Variants in ANKS1A observed in about 807,000 individuals in gnomAD.
ANKS1A encodes the protein ankyrin repeat and SAM domain-containing protein 1A.
ANKS1A carries 55 observed loss-of-function variants against 120.3 expected under a neutral mutation model. That is an observed-to-expected ratio of 0.46 (90% CI 0.37 to 0.57). The LOEUF is 0.57. Among genes scored for constraint, ANKS1A ranks in the 20% least tolerant of loss-of-function variants. ANKS1A has a pLI of 0.00. For missense variants in ANKS1A, 1,123 were observed against 1,480.3 expected, an observed-to-expected ratio of 0.76 and a Z score of 3.96; for synonymous variants, 590 against 604.7, an observed-to-expected ratio of 0.98 and a Z score of 0.36.
intron 23 of ANKS1A, among the ~76,000 whole-genome samples, chr6:35,088,088 ACT>A (rs1327833612): frequency 2.6e-5 from 4 of 152,172 alleles, no homozygotes; most frequent in Admixed American, 6.5e-5. Flanking sequence ...GCTTTCTGAC[ACT>A]CTCCACGGTG....
intron 11 of ANKS1A, among the ~76,000 whole-genome samples, chr6:35,040,758 A>G (rs1223294608): frequency 6.6e-6 from 1 of 152,242 alleles, no homozygotes; most frequent in Non-Finnish European, 1.5e-5. Context: ...CCTGGCTGAC[A>G]GTGGAGCTTT....
At chr6:34,921,473 C>G (rs1768429903) in intron 1 of ANKS1A, among the ~76,000 whole-genome samples, 2 of 152,156 alleles carry the variant, frequency 1.3e-5, no homozygotes, top group Non-Finnish European at 2.9e-5. Flanking sequence ...AGAGTTCCAG[C>G]CTTTTTATAA....
chr6:34,889,280 AG>A lies in ANKS1A; in HGVS notation c.-120del. ...AGTGACGCGCTCGTGGGGAAAAGGCAGGGAGGGGGTGGTGTCCCCAGCCGGT... is the reference window on the plus strand; with the variant it reads ...AGTGACGCGCTCGTGGGGAAAAGGCAGGAGGGGGTGGTGTCCCCAGCCGGT... On this transcript the variant is annotated 5_prime_UTR_variant, in exon 1 of 24. Transcript: ENST00000360359. This position sits in a 1 kb window ranked among gnomAD's most constrained non-coding sequence, Gnocchi z 5.5. 1.7e-6 allele frequency: 2 copies of A among 1,194,414 alleles called. No homozygotes were observed. The highest frequency in any genetic ancestry group is 2.1e-6 in the Non-Finnish European group (2 of 958,300). The allele number at this position is 1,194,414 out of a possible 1,614,324, so 74.0% of individuals were successfully genotyped here.
intron 13 of ANKS1A, among the ~76,000 whole-genome samples, chr6:35,069,156 C>T (rs563475295): frequency 6.6e-6 from 1 of 152,296 alleles, no homozygotes; most frequent in East Asian, 1.9e-4. Context: ...GCCCTGGGCC[C>T]TCTGCCTTTT....
chr6:35,056,547 C>CA, intron 12 of ANKS1A, among the ~76,000 whole-genome samples: 1 of 152,338 alleles, frequency 6.6e-6, no homozygotes, highest in Non-Finnish European at 1.5e-5. Context: ...CTCGGCCTCC[C>CA]AAAGTGCTGG....
At chr6:35,024,653 T>C (rs1774517206) in intron 11 of ANKS1A, among the ~76,000 whole-genome samples, 1 of 152,208 alleles carries the variant, frequency 6.6e-6, no homozygotes, top group Non-Finnish European at 1.5e-5. Flanking sequence ...TTGAATCCTT[T>C]TCCTGAGAAG....
intron 11 of ANKS1A, among the ~76,000 whole-genome samples, chr6:35,048,848 C>A (rs1460301857): frequency 6.6e-6 from 1 of 152,198 alleles, no homozygotes; most frequent in Non-Finnish European, 1.5e-5. Context: ...GCTGAGGAGG[C>A]TGCGGCTCAG....
At chr6:35,074,643 G>A (rs996441218) in intron 13 of ANKS1A, among the ~76,000 whole-genome samples, 2 of 152,220 alleles carry the variant, frequency 1.3e-5, no homozygotes, top group Non-Finnish European at 2.9e-5. Context: ...TGGTCCCAGA[G>A]CCACTGTAGG....
rs894415244 is a variant in ANKS1A at position 35,089,884 on chromosome 6, G to A, written c.*1275G>A. On this transcript the variant is annotated 3_prime_UTR_variant, in exon 24 of 24. Coordinates refer to ENST00000360359, the MANE Select transcript of ANKS1A (RefSeq NM_015245.3). ...ACTTTAGCAGGCTCCGAGCTTTCCT[G>A]GCATAGGTCAATCAGGTCCCAGGAT... 27 of 1,120,658 alleles carry A rather than the reference G, an allele frequency of 2.4e-5. No homozygotes were observed. Among genetic ancestry groups the A allele is most frequent in the Non-Finnish European group, 2.9e-5 (26 of 907,074 alleles). The allele number at this position is 1,120,658 out of a possible 1,614,324, so 69.4% of individuals were successfully genotyped here. A position where few individuals can be genotyped will look rare whatever the true frequency, so the allele number is the denominator to read the frequency against.
chr6:34,995,807 G>A (rs570937782), intron 10 of ANKS1A, among the ~76,000 whole-genome samples: 7 of 152,240 alleles, frequency 4.6e-5, no homozygotes, highest in Middle Eastern at 3.4e-3. Context: ...TTCTCTAGCT[G>A]AGGGATATTT....
rs193190713 is a variant in ANKS1A, at chr6:34,921,268, A to C, written c.197+31669A>C. On this transcript the variant is annotated intron_variant, in intron 1 of 23. Coordinates refer to ENST00000360359, the MANE Select transcript of ANKS1A (RefSeq NM_015245.3). Reference sequence around the variant, plus strand: ...TCAAAATATGCCTTTGGGTCAAATCATAGTCTCTTCTGAACACATTTTCGT... The same window carrying C: ...TCAAAATATGCCTTTGGGTCAAATCCTAGTCTCTTCTGAACACATTTTCGT... 1.1e-3 allele frequency among the ~76,000 whole-genome samples: 172 copies of C among 152,346 alleles called. 1 individual carries two copies. Among genetic ancestry groups the C allele is most frequent in the Admixed American group, 0.011 (167 of 15,306 alleles).
At chr6:35,005,775 G>A (rs757022730) in intron 10 of ANKS1A, 21 of 448,620 alleles carry the variant, frequency 4.7e-5, no homozygotes, top group South Asian at 1.4e-4. Context: ...ATTGTTGGCC[G>A]GGCATGGTGG....
intron 8 of ANKS1A, among the ~76,000 whole-genome samples, chr6:34,987,347 C>CT (rs993192444): frequency 6.6e-6 from 1 of 152,126 alleles, no homozygotes; most frequent in Non-Finnish European, 1.5e-5. Context: ...TCTTTCTAGG[C>CT]TTTTTTGGCC....
chr6:35,054,088 T>C lies in ANKS1A; in HGVS notation c.2011-11T>C. ...GACTGCCTCTCCTCTTTGTTCTTTC[T>C]TCCATTTCAGATTGAGAAAATCATG... On this transcript the variant is annotated splice_polypyrimidine_tract_variant and intron_variant, in intron 11 of 23. Coordinates refer to ENST00000360359, the MANE Select transcript of ANKS1A (RefSeq NM_015245.3). 1 of 1,613,112 alleles carries C rather than the reference T, an allele frequency of 6.2e-7. No individual in the cohort carries two copies. Among genetic ancestry groups the C allele is most frequent in the African/African-American group, 1.3e-5 (1 of 75,040 alleles).
chr6:35,065,662 TG>T (rs1036921798), intron 13 of ANKS1A, among the ~76,000 whole-genome samples: 4 of 152,214 alleles, frequency 2.6e-5, no homozygotes, highest in African/African-American at 9.6e-5. Context: ...ATGCAGCCCC[TG>T]GGGCTCATGC....
Position 35,086,447 on chromosome 6 carries a change from C to T in ANKS1A, c.3304-505C>T. 1 of 1,001,204 alleles carries T rather than the reference C, an allele frequency of 1.0e-6. No homozygotes were observed. The highest frequency in any genetic ancestry group is 1.4e-6 in the Non-Finnish European group (1 of 725,460). 62.0% of individuals were successfully genotyped at this position (1,001,204 alleles called of 1,614,324 possible). A position where few individuals can be genotyped will look rare whatever the true frequency, so the allele number is the denominator to read the frequency against. ...CGCTCTTAGCCTCTGGCGGCCTCTC[C>T]CTCTGCCTGTGTGACATTCTTTCCC... On this transcript the variant is annotated intron_variant, in intron 22 of 23. Coordinates refer to ENST00000360359, the MANE Select transcript of ANKS1A (RefSeq NM_015245.3). This position sits in a 1 kb window ranked among gnomAD's most constrained non-coding sequence, Gnocchi z 5.1.
At chr6:34,991,318 C>T (rs1349816976) in intron 9 of ANKS1A, among the ~76,000 whole-genome samples, 3 of 149,774 alleles carry the variant, frequency 2.0e-5, no homozygotes, top group East Asian at 3.9e-4. Context: ...GATGTTTTTG[C>T]CCACAGAAGG....
chr6:35,070,823 T>A (rs193173859), intron 13 of ANKS1A: 7,076 of 524,160 alleles, frequency 0.013, 72 homozygotes, highest in African/African-American at 0.047. Context: ...CTTTCTTTTT[T>A]CTTTGTGTGT....
intron 11 of ANKS1A, among the ~76,000 whole-genome samples, chr6:35,045,091 A>G (rs536653757): frequency 6.6e-6 from 1 of 152,344 alleles, no homozygotes; most frequent in South Asian, 2.1e-4. Flanking sequence ...AGATCTCACC[A>G]TCCATGCTTA....
Sources: allele counts gnomAD v4.1 joint callset (sites outside exome capture counted in the v4.1 genomes callset), GRCh38; gene constraint gnomAD v4.1.1; non-coding constraint Gnocchi (gnomAD v3.1); transcripts MANE v1.5; gene names NCBI Gene and HGNC (gene_info 2026-07-23, HGNC 2026-07-21).